The following CTNND2 variants were observed in gnomAD, a reference collection of about 807,000 sequenced individuals.
The protein encoded by CTNND2 is catenin delta 2.
In CTNND2, 22 loss-of-function variants were observed where a neutral mutation model predicts 144.4. The observed-to-expected ratio is 0.15, with a 90% CI of 0.11 to 0.22. CTNND2 has a LOEUF of 0.22. Among genes scored for constraint, CTNND2 ranks in the 10% least tolerant of loss-of-function variants. The pLI is 1.00. For missense variants in CTNND2, 1,353 were observed against 1,618.8 expected (o/e 0.84, Z 2.82); for synonymous variants, 751 against 695.6 (o/e 1.08, Z -1.25).
In CTNND2 at chr5:11,868,942, A is replaced by C. The variant is rs1254470992; in HGVS notation, c.37+34875T>G. Among the ~76,000 whole-genome samples the C allele has an allele frequency of 4.6e-5, 7 of 152,300 alleles. No homozygotes were observed. In the Middle Eastern group the frequency reaches 0.017, roughly 370 times the overall value. On this transcript the variant is annotated intron_variant, in intron 1 of 21. Coordinates refer to ENST00000304623, the MANE Select transcript of CTNND2 (RefSeq NM_001332.4). ...AGCCAGTTTTACATTTTTGGTTATAAGCAACCGAACACAGACAAGACAAAG... is the reference window on the plus strand; with the variant it reads ...AGCCAGTTTTACATTTTTGGTTATACGCAACCGAACACAGACAAGACAAAG...
rs181739970 is a variant in CTNND2 at position 11,671,248 on chromosome 5, T to C, written c.174+60888A>G. The stretch of plus-strand genomic sequence containing the variant: ...TCAACCTTGGTGAATCTGACGATTA[T>C]GTGTCATGGGGTTGCTCTTCTTGAG... On this transcript the variant is annotated intron_variant, in intron 2 of 21. Transcript: ENST00000304623. 1.1e-4 allele frequency among the ~76,000 whole-genome samples: 17 copies of C among 152,282 alleles called. No homozygotes were observed. In the East Asian group the frequency reaches 3.3e-3, roughly 30 times the overall value.
chr5:11,422,091 T>C (rs1762411237), intron 3 of CTNND2, among the ~76,000 whole-genome samples: 1 of 152,156 alleles, frequency 6.6e-6, no homozygotes, highest in African/African-American at 2.4e-5. Flanking sequence ...AGAGTGCAGC[T>C]AATTCACAGA....
In CTNND2 at chr5:11,250,519, ATTTT is replaced by A. The variant is rs67476400; in HGVS notation, c.1629-13700_1629-13697del. The stretch of plus-strand genomic sequence containing the variant: ...TATATATATATATATATATACATAT[ATTTT>A]TTTTTTTTTTTAGAGACAGGGTCTT... On this transcript the variant is annotated intron_variant, in intron 9 of 21. Coordinates refer to ENST00000304623, the MANE Select transcript of CTNND2 (RefSeq NM_001332.4). Among the ~76,000 whole-genome samples the A allele has an allele frequency of 3.6e-3, 302 of 83,246 alleles. 5 individuals carry two copies. The highest frequency in any genetic ancestry group is 0.018 in the African/African-American group (291 of 16,512). 54.6% of individuals were successfully genotyped at this position (83,246 alleles called of 152,430 possible).
chr5:11,460,467 G>A (rs1766097036), intron 3 of CTNND2, among the ~76,000 whole-genome samples: 1 of 152,202 alleles, frequency 6.6e-6, no homozygotes, highest in East Asian at 1.9e-4. Flanking sequence ...ATACTGAGAA[G>A]TGTGTTTAGA....
chr5:11,081,295 A>T (rs1030721639), intron 16 of CTNND2, among the ~76,000 whole-genome samples: 32 of 152,170 alleles, frequency 2.1e-4, no homozygotes, highest in African/African-American at 7.7e-4. Context: ...TTATATTTCA[A>T]AATTGCTAAG....
intron 15 of CTNND2, among the ~76,000 whole-genome samples, chr5:11,088,508 T>A (rs35791760): frequency 6.6e-6 from 1 of 152,112 alleles, no homozygotes; most frequent in African/African-American, 2.4e-5. Context: ...ATCTACATAT[T>A]TTTTTTTCTC....
chr5:11,549,958 T>C (rs1205852981), intron 3 of CTNND2, among the ~76,000 whole-genome samples: 1 of 152,178 alleles, frequency 6.6e-6, no homozygotes, highest in Non-Finnish European at 1.5e-5. Flanking sequence ...AAGTAAATAA[T>C]GTATCTGTAA....
intron 1 of CTNND2, among the ~76,000 whole-genome samples, chr5:11,812,979 A>G (rs1185119644): frequency 6.6e-6 from 1 of 152,180 alleles, no homozygotes; most frequent in African/African-American, 2.4e-5. Context: ...ACATACTCAT[A>G]TATACACCAA....
rs1738135522 is a variant in CTNND2, at chr5:11,904,069, C to G, written c.-216G>C. On this transcript the variant is annotated 5_prime_UTR_variant, in exon 1 of 22. Transcript: ENST00000304623. The surrounding 1 kb of genome is among the most constrained non-coding windows in gnomAD (Gnocchi z 4.2). ...GAGTGCGCAGCGCCCGGCCCGGCGGCCCCTCCGAGCTCGGCGAGCGCAGCG... is the reference window on the plus strand; with the variant it reads ...GAGTGCGCAGCGCCCGGCCCGGCGGGCCCTCCGAGCTCGGCGAGCGCAGCG... 1.5e-5 allele frequency: 4 copies of G among 270,430 alleles called. No individual in the cohort carries two copies. 16.8% of individuals were successfully genotyped at this position (270,430 alleles called of 1,614,324 possible). A position where few individuals can be genotyped will look rare whatever the true frequency, so the allele number is the denominator to read the frequency against.
At chr5:11,605,562 G>T (rs2126352555) in intron 2 of CTNND2, among the ~76,000 whole-genome samples, 1 of 152,212 alleles carries the variant, frequency 6.6e-6, no homozygotes, top group Middle Eastern at 3.4e-3. Flanking sequence ...GATCTTGCAG[G>T]TGCTGTTTTT....
chr5:11,359,232 A>G (rs565169547), intron 8 of CTNND2, among the ~76,000 whole-genome samples: 2 of 152,356 alleles, frequency 1.3e-5, no homozygotes, highest in South Asian at 2.1e-4. Flanking sequence ...CATGAAATGT[A>G]TATTTTATCT....
chr5:11,204,826 A>C (rs74731631), intron 10 of CTNND2, among the ~76,000 whole-genome samples: 1 of 152,186 alleles, frequency 6.6e-6, no homozygotes, highest in Non-Finnish European at 1.5e-5. Flanking sequence ...TAAAAAAAAA[A>C]TACTATGACA....
At chr5:11,092,709 C>A (rs1036621546) in intron 15 of CTNND2, among the ~76,000 whole-genome samples, 7 of 152,214 alleles carry the variant, frequency 4.6e-5, no homozygotes, top group Non-Finnish European at 7.3e-5. Context: ...TGATGAGGCA[C>A]GATGCTTCGC....
At chr5:11,881,473 C>A (rs1244341564) in intron 1 of CTNND2, among the ~76,000 whole-genome samples, 3 of 152,048 alleles carry the variant, frequency 2.0e-5, no homozygotes, top group Non-Finnish European at 4.4e-5. Context: ...CACTATTCTA[C>A]TCTCTACTTC....
rs1389108445 is a variant in CTNND2, at chr5:11,733,502, A to T, written c.38-1230T>A. 2.0e-5 allele frequency among the ~76,000 whole-genome samples: 3 copies of T among 152,322 alleles called. No homozygotes were observed. In the East Asian group the frequency reaches 5.8e-4, roughly 29 times the overall value. ...AGTTTGAGAGGGTTTTTCCCAAAAC[A>T]GAATATTTTCAACTCAAAAGAAAAT... On this transcript the variant is annotated intron_variant, in intron 1 of 21. Transcript: ENST00000304623.
intron 8 of CTNND2, among the ~76,000 whole-genome samples, chr5:11,360,296 CAT>C (rs1299952063): frequency 2.0e-5 from 3 of 152,152 alleles, no homozygotes; most frequent in Non-Finnish European, 4.4e-5. Context: ...AGAGATCTAA[CAT>C]ATCTTATCTT....
Position 11,433,159 on chromosome 5 carries a change from T to C in CTNND2, c.288-21090A>G, listed in dbSNP as rs543514530. Among the ~76,000 whole-genome samples the C allele has an allele frequency of 3.3e-5, 5 of 152,266 alleles. No homozygotes were observed. The East Asian group carries it at 5.8e-4, about 18-fold the overall frequency. On this transcript the variant is annotated intron_variant, in intron 3 of 21. Transcript: ENST00000304623. ...TACTTGGGAGGCTGAGGCAGGAGAA[T>C]GGCGTGAACCCGGGAGACAGAGCTT...
chr5:11,520,223 A>C (rs1411814787), intron 3 of CTNND2, among the ~76,000 whole-genome samples: 1 of 152,124 alleles, frequency 6.6e-6, no homozygotes, highest in East Asian at 1.9e-4. Context: ...TTTTGCAGTA[A>C]GGCTTGGATC....
At chr5:11,886,135 C>G (rs1188617347) in intron 1 of CTNND2, among the ~76,000 whole-genome samples, 2 of 151,758 alleles carry the variant, frequency 1.3e-5, no homozygotes, top group South Asian at 2.1e-4. Context: ...CAGGAATAAA[C>G]CAACCCAAAA....
Sources: allele counts gnomAD v4.1 joint callset (sites outside exome capture counted in the v4.1 genomes callset), GRCh38; gene constraint gnomAD v4.1.1; non-coding constraint Gnocchi (gnomAD v3.1); transcripts MANE v1.5; gene names NCBI Gene and HGNC (gene_info 2026-07-23, HGNC 2026-07-21).